EEF2K: variants seen among roughly 807,000 people sequenced by gnomAD.
EEF2K encodes the protein eukaryotic elongation factor 2 kinase.
In EEF2K, 70 loss-of-function variants were observed where a neutral mutation model predicts 93.8. That is an observed-to-expected ratio of 0.75 (90% CI 0.62 to 0.91). EEF2K has a LOEUF of 0.91. Among genes scored for constraint, EEF2K ranks in the 40% least tolerant of loss-of-function variants. The pLI is 0.00. For synonymous variants in EEF2K, 376 were observed against 380.8 expected (o/e 0.99, Z 0.15); for missense variants, 935 against 972.9 (o/e 0.96, Z 0.52).
In EEF2K at chr16:22,261,009, G is replaced by T. The variant is rs142178284; in HGVS notation, c.1299+480G>T. On this transcript the variant is annotated intron_variant, in intron 11 of 17. Transcript: ENST00000263026. ...GTAAGAAACTGAAGGCATCTTATCT[G>T]CATTCTCACAAATGTATATTATGGC... Among the ~76,000 whole-genome samples the T allele has an allele frequency of 5.9e-5, 9 of 152,274 alleles. No homozygotes were observed. The East Asian group carries it at 1.7e-3, about 29-fold the overall frequency.
In EEF2K at chr16:22,284,050, A is replaced by C. The variant is rs1469344833; in HGVS notation, c.*54A>C. 1 of 1,435,348 alleles carries C rather than the reference A, an allele frequency of 7.0e-7. No homozygotes were observed. Among genetic ancestry groups the C allele is most frequent in the South Asian group, 1.3e-5 (1 of 79,536 alleles). 88.9% of individuals were successfully genotyped at this position (1,435,348 alleles called of 1,614,324 possible). On this transcript the variant is annotated 3_prime_UTR_variant, in exon 18 of 18. Transcript: ENST00000263026. ...AGCAAACGGGCTAGGAGGAAAGATT[A>C]AAAAAACAACAACAACAACTTATTT...
chr16:22,240,841 C>T (rs563520751), intron 2 of EEF2K, among the ~76,000 whole-genome samples: 3 of 152,182 alleles, frequency 2.0e-5, no homozygotes, highest in African/African-American at 7.2e-5. Flanking sequence ...GCTCTCTTGC[C>T]TCACTGCAAC....
At chr16:22,216,383 G>A (rs1029414215) in intron 1 of EEF2K, among the ~76,000 whole-genome samples, 2 of 152,132 alleles carry the variant, frequency 1.3e-5, no homozygotes, top group South Asian at 2.1e-4. Context: ...AGTCTTTCAC[G>A]TGCATTATTT....
intron 13 of EEF2K, among the ~76,000 whole-genome samples, chr16:22,265,477 C>T (rs937781015): frequency 6.6e-6 from 1 of 152,238 alleles, no homozygotes; most frequent in Non-Finnish European, 1.5e-5. Flanking sequence ...GCTCTCCAAG[C>T]CTGGATCCCA....
intron 16 of EEF2K, among the ~76,000 whole-genome samples, chr16:22,274,362 T>C (rs971819075): frequency 5.3e-5 from 8 of 150,648 alleles, no homozygotes; most frequent in Non-Finnish European, 1.0e-4. Flanking sequence ...GAGAATCGCT[T>C]GAACCCGGGA....
Position 22,256,802 on chromosome 16 carries a change from C to G in EEF2K, c.673C>G (p.Leu225Val), listed in dbSNP as rs1385433280. 1 of 1,614,100 alleles carries G rather than the reference C, an allele frequency of 6.2e-7. No individual in the cohort carries two copies. Among genetic ancestry groups the G allele is most frequent in the Non-Finnish European group, 8.5e-7 (1 of 1,180,052 alleles). ...GCTGAAGGACAGACCGGGCAAGCCCCTCTTCCACCTGGAGCACTACATCGA... is the reference window on the plus strand; with the variant it reads ...GCTGAAGGACAGACCGGGCAAGCCCGTCTTCCACCTGGAGCACTACATCGA... ...IELKDRPGKPLFHLEHYIEGK... is the reference protein window; with the variant it reads ...IELKDRPGKPVFHLEHYIEGK... Residue 225 changes from leucine (L) to valine (V), a missense_variant, in exon 7 of 18, where the codon CTC (leucine) becomes GTC (valine). Transcript: ENST00000263026.
At chr16:22,243,817 C>T (rs1055328005) in intron 2 of EEF2K, among the ~76,000 whole-genome samples, 2 of 148,904 alleles carry the variant, frequency 1.3e-5, no homozygotes, top group African/African-American at 5.0e-5. Flanking sequence ...CAGCTACTCC[C>T]AAGGCTGAGG....
intron 1 of EEF2K, among the ~76,000 whole-genome samples, chr16:22,220,949 G>A (rs563690334): frequency 3.9e-5 from 6 of 152,196 alleles, no homozygotes; most frequent in Non-Finnish European, 8.8e-5. Context: ...CGCTGGGGCT[G>A]GGAGCAGCTG....
chr16:22,210,212 G>A (rs752492024), intron 1 of EEF2K, among the ~76,000 whole-genome samples: 3 of 152,276 alleles, frequency 2.0e-5, no homozygotes, highest in African/African-American at 7.2e-5. Context: ...CTAGAGAAGC[G>A]TCTCAAATGG....
chr16:22,251,032 G>A, intron 5 of EEF2K, 119 bp from the exon 6 acceptor site: 1 of 1,284,186 alleles, frequency 7.8e-7, no homozygotes, highest in East Asian at 2.3e-5. Flanking sequence ...CCTGCATTTT[G>A]TTCCTGCTGC....
intron 3 of EEF2K, among the ~76,000 whole-genome samples, chr16:22,245,658 C>A (rs1567273667): frequency 6.6e-6 from 1 of 152,058 alleles, no homozygotes; most frequent in South Asian, 2.1e-4. Context: ...GAGATTTCCA[C>A]CAGGCAAACT....
intron 2 of EEF2K, among the ~76,000 whole-genome samples, chr16:22,239,796 G>A (rs1363978095): frequency 6.6e-6 from 1 of 152,088 alleles, no homozygotes; most frequent in Non-Finnish European, 1.5e-5. Flanking sequence ...GAGTGACAGA[G>A]CAAGACCCTG....
At chr16:22,270,131 T>G (rs1047868979) in intron 15 of EEF2K, among the ~76,000 whole-genome samples, 2 of 151,806 alleles carry the variant, frequency 1.3e-5, no homozygotes, top group Non-Finnish European at 2.9e-5. Flanking sequence ...TACTTTTTTT[T>G]TTTTGAGATG....
In EEF2K at chr16:22,262,837, G is replaced by A. The variant is rs539523566; in HGVS notation, c.1300-273G>A. ...GGATTTGAGCCCAGGTCATTTGGCT[G>A]TAGAGCCCAAGGTCCTTACTGTTAC... On this transcript the variant is annotated intron_variant, in intron 11 of 17. Transcript: ENST00000263026. Among the ~76,000 whole-genome samples the A allele has an allele frequency of 2.8e-4, 42 of 152,308 alleles. No homozygotes were observed. In the South Asian group the frequency reaches 7.0e-3, roughly 26 times the overall value.
intron 15 of EEF2K, among the ~76,000 whole-genome samples, chr16:22,267,673 G>A (rs1247685323): frequency 6.6e-6 from 1 of 152,108 alleles, no homozygotes; most frequent in Non-Finnish European, 1.5e-5. Flanking sequence ...AAGTGGGGGA[G>A]GTGAGCAGCT....
intron 9 of EEF2K, 120 bp downstream of exon 9, chr16:22,257,890 G>A (rs943612578): frequency 5.5e-5 from 79 of 1,446,552 alleles, no homozygotes; most frequent in Admixed American, 4.0e-5. Flanking sequence ...GAATACCAGG[G>A]CTGGAAGCAT....
chr16:22,277,846 A>G (rs1409750622), intron 16 of EEF2K, among the ~76,000 whole-genome samples: 2 of 151,226 alleles, frequency 1.3e-5, no homozygotes, highest in Non-Finnish European at 2.9e-5. Flanking sequence ...TGGGAAGTCT[A>G]ATATCAGTAT....
chr16:22,217,119 C>T (rs2046964516), intron 1 of EEF2K, among the ~76,000 whole-genome samples: 1 of 145,250 alleles, frequency 6.9e-6, no homozygotes, highest in Non-Finnish European at 1.5e-5. Flanking sequence ...CAAGATTGCG[C>T]CACTGGACTC....
chr16:22,231,063 A>G (rs1004482170), intron 2 of EEF2K, among the ~76,000 whole-genome samples: 3 of 152,110 alleles, frequency 2.0e-5, no homozygotes, highest in Non-Finnish European at 4.4e-5. Context: ...GTTAAGTTAA[A>G]AAGCAAGTTG....
Sources: gnomAD v4.1 joint callset for allele counts (sites outside exome capture counted in the v4.1 genomes callset) on GRCh38, gnomAD v4.1.1 for gene constraint, MANE v1.5 for transcripts, NCBI Gene and HGNC (gene_info 2026-07-23, HGNC 2026-07-21) for gene names.